The following PLEKHA5 variants were observed in gnomAD, a reference collection of about 807,000 sequenced individuals.
PLEKHA5 encodes the protein pleckstrin homology domain containing A5.
A neutral mutation model predicts 181.9 loss-of-function variants in PLEKHA5; 55 were observed. The ratio of observed to expected loss-of-function variants is 0.30; its 90% CI spans 0.24 to 0.38. The LOEUF is 0.38. PLEKHA5 is among the 10% of genes least tolerant of loss of function. The pLI is 1.00. For synonymous variants in PLEKHA5, 535 were observed against 529.4 expected, an observed-to-expected ratio of 1.01 and a Z score of -0.15; for missense variants, 1,432 against 1,549.5, an observed-to-expected ratio of 0.92 and a Z score of 1.27.
At chr12:19,322,223 T>C in intron 18 of PLEKHA5, 87 bp from the exon 19 acceptor site, 3 of 763,550 alleles carry the variant, frequency 3.9e-6, no homozygotes, top group East Asian at 2.5e-5. Flanking sequence ...GATTGAAATA[T>C]AGATTTTTGG....
At chr12:19,208,642 GT>G (rs1430803636) in intron 3 of PLEKHA5, among the ~76,000 whole-genome samples, 3 of 152,096 alleles carry the variant, frequency 2.0e-5, no homozygotes, top group African/African-American at 7.2e-5. Flanking sequence ...TTAAATAGCA[GT>G]TTTCTTTGCT....
chr12:19,143,964 T>C (rs2038175637), intron 3 of PLEKHA5, among the ~76,000 whole-genome samples: 1 of 152,192 alleles, frequency 6.6e-6, no homozygotes, highest in South Asian at 2.1e-4. Context: ...AGAATTGGAA[T>C]TGAGAAAATA....
intron 3 of PLEKHA5, among the ~76,000 whole-genome samples, chr12:19,221,674 C>G (rs1480843445): frequency 6.6e-6 from 1 of 152,124 alleles, no homozygotes; most frequent in African/African-American, 2.4e-5. Flanking sequence ...CAGACTATGA[C>G]AAAGGAGCCT....
chr12:19,287,812 C>T lies in PLEKHA5; in HGVS notation c.1863+256C>T, dbSNP rs2077535105. On this transcript the variant is annotated intron_variant, in intron 13 of 31. Transcript: ENST00000429027. Reference sequence around the variant, plus strand: ...GAAACTTTATGGCCGGGCACGGTGGCTCATGCCTGTAATCCCAGCACTTTG... The same window carrying T: ...GAAACTTTATGGCCGGGCACGGTGGTTCATGCCTGTAATCCCAGCACTTTG... 2.0e-5 allele frequency among the ~76,000 whole-genome samples: 3 copies of T among 152,086 alleles called. No individual in the cohort carries two copies. In the South Asian group the frequency reaches 6.2e-4, roughly 32 times the overall value.
In PLEKHA5 at chr12:19,265,804, C is replaced by T; in HGVS notation, c.665C>T (p.Ala222Val). ...ATACTGTTACCTAGTTTTCAGATAGCTTTGCTTACCTCTGAAGATCACATT... is the reference window on the plus strand; with the variant it reads ...ATACTGTTACCTAGTTTTCAGATAGTTTTGCTTACCTCTGAAGATCACATT... ...GSILLPSFQI[A>V]LLTSEDHINR... is the part of the protein sequence containing the mutation. The change falls in exon 8 of 32, where the codon GCT (alanine) becomes GTT (valine). Residue 222 changes from alanine to valine, a missense_variant. Physicochemically the swap from Ala to Val is moderately conservative, Grantham distance 64. This residue lies in a region of PLEKHA5 where 289 missense variants were observed against 381.1 expected (regional missense o/e 0.76). Coordinates refer to ENST00000429027, the MANE Select transcript of PLEKHA5 (RefSeq NM_001256470.2). 6.2e-7 allele frequency: 1 copy of T among 1,604,532 alleles called. No homozygotes were observed.
At chr12:19,340,952 AAAAAAAAAAAG>A (rs758644243) in intron 21 of PLEKHA5, among the ~76,000 whole-genome samples, 11,618 of 130,054 alleles carry the variant, frequency 0.089, 532 homozygotes, top group Middle Eastern at 0.12. Flanking sequence ...CAATAAAAAA[AAAAAAAAAAAG>A]AAAGAAAAGA....
intron 3 of PLEKHA5, among the ~76,000 whole-genome samples, chr12:19,212,095 T>C (rs2057029950): frequency 6.6e-6 from 1 of 152,200 alleles, no homozygotes; most frequent in African/African-American, 2.4e-5. Flanking sequence ...CGGAGGCTTG[T>C]ATTAGTTTCC....
intron 10 of PLEKHA5, among the ~76,000 whole-genome samples, chr12:19,273,879 A>G (rs984816717): frequency 2.6e-5 from 4 of 152,186 alleles, no homozygotes; most frequent in Non-Finnish European, 5.9e-5. Flanking sequence ...GCACAATCAT[A>G]CCCATTTACC....
At chr12:19,157,208 A>G (rs2041975485) in intron 3 of PLEKHA5, among the ~76,000 whole-genome samples, 1 of 152,146 alleles carries the variant, frequency 6.6e-6, no homozygotes, top group Admixed American at 6.6e-5. Context: ...TTAAAATTAC[A>G]AAGAAAAAGT....
At chr12:19,312,205 T>C (rs146545068) in intron 15 of PLEKHA5, among the ~76,000 whole-genome samples, 50 of 152,334 alleles carry the variant, frequency 3.3e-4, no homozygotes, top group African/African-American at 1.2e-3. Flanking sequence ...TGTTCCTTTT[T>C]TGGAGCATAA....
chr12:19,333,579 G>T (rs1418424939), intron 20 of PLEKHA5, among the ~76,000 whole-genome samples: 2 of 149,856 alleles, frequency 1.3e-5, no homozygotes, highest in East Asian at 2.0e-4. Flanking sequence ...ACAGCATAAG[G>T]CTCCATCTCA....
chr12:19,306,812 T>A (rs1215000523), intron 15 of PLEKHA5: 6 of 822,832 alleles, frequency 7.3e-6, no homozygotes, highest in Non-Finnish European at 1.3e-5. Flanking sequence ...TCGCACCATG[T>A]CTGACAAACA....
chr12:19,231,783 T>C (rs919296430), intron 3 of PLEKHA5, among the ~76,000 whole-genome samples: 2 of 151,698 alleles, frequency 1.3e-5, no homozygotes, highest in Non-Finnish European at 2.9e-5. Flanking sequence ...AATTATAAAA[T>C]CAGTAAATTT....
chr12:19,180,191 G>GT (rs2048235121), intron 3 of PLEKHA5, among the ~76,000 whole-genome samples: 2 of 152,150 alleles, frequency 1.3e-5, no homozygotes, highest in South Asian at 4.1e-4. Flanking sequence ...CAGCTTAGAG[G>GT]TTTATTGTGC....
chr12:19,192,318 A>AAT (rs2051340114), intron 3 of PLEKHA5, among the ~76,000 whole-genome samples: 1 of 152,178 alleles, frequency 6.6e-6, no homozygotes, highest in Non-Finnish European at 1.5e-5. Flanking sequence ...GGAAAGACTG[A>AAT]TTAAGTTCAC....
chr12:19,291,784 AG>A (rs973824004), intron 15 of PLEKHA5, 87 bp downstream of exon 15: 2 of 668,182 alleles, frequency 3.0e-6, no homozygotes, highest in African/African-American at 3.7e-5. Flanking sequence ...CAGCTATTTC[AG>A]TCACGTTGAA....
At chr12:19,306,714 G>C in intron 15 of PLEKHA5, 1 of 1,448,250 alleles carries the variant, frequency 6.9e-7, no homozygotes, top group South Asian at 1.2e-5. Flanking sequence ...TCCTAGGCAA[G>C]ATCGACGAAC....
intron 31 of PLEKHA5, chr12:19,373,378 C>T (rs2095633043): frequency 7.1e-6 from 1 of 141,700 alleles, no homozygotes; most frequent in Admixed American, 7.1e-5. Flanking sequence ...AAGACTTTGT[C>T]TCAAAAAAAA....
intron 3 of PLEKHA5, 55 bp downstream of exon 3, chr12:19,132,505 C>T: frequency 2.3e-6 from 2 of 862,718 alleles, no homozygotes; most frequent in Non-Finnish European, 3.9e-6. Flanking sequence ...TGTGATTACT[C>T]CTCAGCTGAA....
Sources: gnomAD v4.1 joint callset for allele counts (sites outside exome capture counted in the v4.1 genomes callset) on GRCh38, gnomAD v4.1.1 for gene constraint, gnomAD v4.1.1 regional missense constraint, MANE v1.5 for transcripts, NCBI Gene and HGNC (gene_info 2026-07-23, HGNC 2026-07-21) for gene names.